NF1: variants seen among roughly 807,000 people sequenced by gnomAD.
NF1 encodes the protein neurofibromin.
Under a neutral mutation model 325.7 loss-of-function variants are expected in NF1, and 122 were observed. The ratio of observed to expected loss-of-function variants is 0.37; its 90% CI spans 0.32 to 0.44. The LOEUF is 0.44. Ranked by LOEUF, NF1 falls within the 20% of genes least tolerant of loss-of-function variation. The pLI is 1.00. For missense variants in NF1, 2,140 were observed against 3,415.4 expected (o/e 0.63, Z 9.31); for synonymous variants, 1,091 against 1,186.0 (o/e 0.92, Z 1.65).
At chr17:31,153,682 G>T (rs1354720337) in intron 1 of NF1, among the ~76,000 whole-genome samples, 1 of 151,906 alleles carries the variant, frequency 6.6e-6, no homozygotes, top group Non-Finnish European at 1.5e-5. Flanking sequence ...GGAGTGCAGT[G>T]GCTAGATCAC....
intron 8 of NF1, among the ~76,000 whole-genome samples, chr17:31,191,272 T>C (rs1481020783): frequency 6.6e-6 from 1 of 152,156 alleles, no homozygotes; most frequent in Non-Finnish European, 1.5e-5. Context: ...TTATGTTGTG[T>C]ACCTATAATA....
At chr17:31,226,990 G>C (rs554950747) in intron 18 of NF1, among the ~76,000 whole-genome samples, 1 of 152,174 alleles carries the variant, frequency 6.6e-6, no homozygotes. Flanking sequence ...AAACATTGGC[G>C]TATGTTTTGA....
At position 31,232,043 on chromosome 17, in the gene NF1, A is replaced by ATTT. The variant is rs371047262; in HGVS notation, c.3198-6_3198-4dup. ...AACTTGAAAGATTCATGGTCTCTAA[A>ATTT]TTTTTTTTTTTTTTTTTTTTTTTTT... is the stretch of plus-strand genomic sequence containing the variant. On this transcript the variant is annotated intron_variant, in intron 24 of 57. Coordinates refer to ENST00000358273, the MANE Select transcript of NF1 (RefSeq NM_001042492.3). The ATTT allele has an allele frequency of 0.012, 7,085 of 588,812 alleles. 143 individuals are homozygous for ATTT. Among genetic ancestry groups the ATTT allele is most frequent in the South Asian group, 0.028 (1,255 of 45,190 alleles). The allele number at this position is 588,812 out of a possible 1,614,324, so 36.5% of individuals were successfully genotyped here.
intron 57 of NF1, among the ~76,000 whole-genome samples, chr17:31,367,718 A>G (rs2070555506): frequency 6.6e-6 from 1 of 152,168 alleles, no homozygotes; most frequent in Admixed American, 6.5e-5. Flanking sequence ...AAAAAGGAAT[A>G]TGGCCAGGTG....
At chr17:31,271,726 G>A (rs1379078683) in intron 36 of NF1, among the ~76,000 whole-genome samples, 1 of 152,060 alleles carries the variant, frequency 6.6e-6, no homozygotes, top group East Asian at 1.9e-4. Flanking sequence ...CTCCAGCCTG[G>A]GCAACAGGAG....
At chr17:31,373,109 G>A (rs2070676242) in intron 57 of NF1, among the ~76,000 whole-genome samples, 1 of 152,182 alleles carries the variant, frequency 6.6e-6, no homozygotes, top group Admixed American at 6.5e-5. Flanking sequence ...GTTGCAGAAT[G>A]TGAAATGACT....
At chr17:31,231,418 C>A (rs2151432966) in intron 24 of NF1, among the ~76,000 whole-genome samples, 1 of 152,192 alleles carries the variant, frequency 6.6e-6, no homozygotes, top group South Asian at 2.1e-4. Flanking sequence ...ACATATGTTT[C>A]TTTGACCAAG....
chr17:31,199,297 A>G (rs2066486136), intron 8 of NF1, among the ~76,000 whole-genome samples: 1 of 152,000 alleles, frequency 6.6e-6, no homozygotes, highest in African/African-American at 2.4e-5. Flanking sequence ...CATTTATCTC[A>G]CGTTGGTTTC....
chr17:31,153,011 C>G (rs550669382), intron 1 of NF1, among the ~76,000 whole-genome samples: 5 of 151,392 alleles, frequency 3.3e-5, no homozygotes, highest in African/African-American at 9.7e-5. Flanking sequence ...TTTTTACTTT[C>G]ATGAAATAAA....
chr17:31,332,018 A>G (rs2069509778), intron 39 of NF1: 1 of 151,312 alleles, frequency 6.6e-6, no homozygotes, highest in Non-Finnish European at 1.5e-5. Flanking sequence ...ATGAGTAAGG[A>G]CATATGAAGT....
At chr17:31,264,352 A>C (rs2067748400) in intron 35 of NF1, among the ~76,000 whole-genome samples, 1 of 151,876 alleles carries the variant, frequency 6.6e-6, no homozygotes, top group African/African-American at 2.4e-5. Context: ...CAGAGGTTGC[A>C]GTGAGCCGAG....
At position 31,233,229 on chromosome 17, in the gene NF1, A is replaced by G; in HGVS notation, c.3708+16A>G. On this transcript the variant is annotated intron_variant, in intron 27 of 57. Transcript: ENST00000358273. ...TTCTCAGTGGGTAAGTGATTAGAGT[A>G]AGCGGGGAAGAAAAGTGCCTGGCAC... 2 of 1,609,962 alleles carry G rather than the reference A, an allele frequency of 1.2e-6. No individual in the cohort carries two copies. The highest frequency in any genetic ancestry group is 1.7e-6 in the Non-Finnish European group (2 of 1,176,208).
chr17:31,161,801 C>G (rs771393472), intron 3 of NF1, among the ~76,000 whole-genome samples: 1 of 151,988 alleles, frequency 6.6e-6, no homozygotes, highest in Non-Finnish European at 1.5e-5. Flanking sequence ...TTTGGGAGAT[C>G]GAGACAGGCG....
chr17:31,350,806 G>A (rs954389799), intron 50 of NF1, among the ~76,000 whole-genome samples: 1 of 152,000 alleles, frequency 6.6e-6, no homozygotes, highest in African/African-American at 2.4e-5. Flanking sequence ...CATGGGTTTG[G>A]GTAGTATATT....
intron 39 of NF1, among the ~76,000 whole-genome samples, chr17:31,332,276 C>T (rs149931390): frequency 6.6e-6 from 1 of 151,938 alleles, no homozygotes; most frequent in East Asian, 1.9e-4. Flanking sequence ...CCAGCCTGGC[C>T]AATATGGTGA....
chr17:31,228,967 G>A (rs2151428631), intron 20 of NF1, 58 bp from the exon 21 acceptor site: 1 of 1,354,230 alleles, frequency 7.4e-7, no homozygotes, highest in South Asian at 1.3e-5. Context: ...AGCATAATTT[G>A]TCAAGTCTCA....
chr17:31,337,007 C>G (rs1186954798), intron 42 of NF1, 93 bp downstream of exon 42: 29 of 1,371,558 alleles, frequency 2.1e-5, no homozygotes, highest in Non-Finnish European at 2.6e-5. Flanking sequence ...TGTTTGTGCT[C>G]TAACACCAAG....
rs535888246 is a variant in NF1 at position 31,120,393 on chromosome 17, T to C, written c.60+25024T>C. ...GCAATTGTGAATGGGAATTCACTCATGATTTGGCTGTTTGTCTGTTATTGG... is the reference window on the plus strand; with the variant it reads ...GCAATTGTGAATGGGAATTCACTCACGATTTGGCTGTTTGTCTGTTATTGG... On this transcript the variant is annotated intron_variant, in intron 1 of 57. Coordinates refer to ENST00000358273, the MANE Select transcript of NF1 (RefSeq NM_001042492.3). Among the ~76,000 whole-genome samples the C allele has an allele frequency of 3.3e-5, 5 of 152,354 alleles. No homozygotes were observed. The East Asian group carries it at 7.7e-4, about 23-fold the overall frequency.
At chr17:31,218,962 T>C in intron 13 of NF1, 43 bp from the exon 14 acceptor site, 2 of 1,473,422 alleles carry the variant, frequency 1.4e-6, no homozygotes, top group South Asian at 1.2e-5. Flanking sequence ...TCTCTCTCGA[T>C]TTATTTATTT....
Sources: allele counts gnomAD v4.1 joint callset (sites outside exome capture counted in the v4.1 genomes callset), GRCh38; gene constraint gnomAD v4.1.1; transcripts MANE v1.5; gene names NCBI Gene and HGNC (gene_info 2026-07-23, HGNC 2026-07-21).